The following ADARB2 variants were observed in gnomAD, a reference collection of about 807,000 sequenced individuals.
ADARB2 encodes adenosine deaminase RNA specific B2 (inactive).
Under a neutral mutation model 62.2 loss-of-function variants are expected in ADARB2, and 25 were observed. That is an observed-to-expected ratio of 0.40 (90% CI 0.29 to 0.56). The LOEUF (loss-of-function observed/expected upper bound fraction) is 0.56. ADARB2 is among the 20% of genes least tolerant of loss of function. The pLI is 0.43. For missense variants in ADARB2, 1,071 were observed against 1,077.4 expected, an observed-to-expected ratio of 0.99 and a Z score of 0.08; for synonymous variants, 572 against 500.8, an observed-to-expected ratio of 1.14 and a Z score of -1.90.
chr10:1,640,627 G>C (rs1239625842), intron 1 of ADARB2, among the ~76,000 whole-genome samples: 1 of 152,038 alleles, frequency 6.6e-6, no homozygotes, highest in Admixed American at 6.6e-5. Context: ...TCCTGTTGTT[G>C]CCTGGGAGAC....
At chr10:1,593,861 G>A (rs1833299231) in intron 1 of ADARB2, among the ~76,000 whole-genome samples, 3 of 152,312 alleles carry the variant, frequency 2.0e-5, no homozygotes, top group Admixed American at 6.5e-5. Context: ...GCCCTTGAGA[G>A]TAGAATTTGA....
intron 1 of ADARB2, among the ~76,000 whole-genome samples, chr10:1,675,605 G>A (rs1453131044): frequency 6.6e-6 from 1 of 151,098 alleles, no homozygotes; most frequent in Non-Finnish European, 1.5e-5. Context: ...GGAGGCTTGG[G>A]TTGGGGGGTA....
intron 1 of ADARB2, among the ~76,000 whole-genome samples, chr10:1,529,127 A>C (rs11596804): frequency 0.26 from 17,377 of 65,914 alleles, 3,455 homozygotes; most frequent in Admixed American, 0.31. Context: ...TCCCCAACAC[A>C]AATCCTCCAA....
intron 1 of ADARB2, among the ~76,000 whole-genome samples, chr10:1,661,416 C>T (rs1456289451): frequency 6.6e-6 from 1 of 152,194 alleles, no homozygotes; most frequent in African/African-American, 2.4e-5. Flanking sequence ...CATCTCATCT[C>T]CCAATAGAGG....
intron 1 of ADARB2, among the ~76,000 whole-genome samples, chr10:1,638,964 G>A (rs1405226455): frequency 3.9e-5 from 6 of 152,202 alleles, no homozygotes; most frequent in South Asian, 2.1e-4. Flanking sequence ...GCACTCACAC[G>A]GACTTCCAGT....
At chr10:1,681,882 G>C (rs1471195093) in intron 1 of ADARB2, among the ~76,000 whole-genome samples, 3 of 152,176 alleles carry the variant, frequency 2.0e-5, no homozygotes, top group African/African-American at 7.2e-5. Context: ...ACACTCCGCA[G>C]AGACTCAAGG....
chr10:1,413,271 C>G (rs1179540345), intron 1 of ADARB2, among the ~76,000 whole-genome samples: 1 of 152,152 alleles, frequency 6.6e-6, no homozygotes, highest in Non-Finnish European at 1.5e-5. Context: ...GAAGGGGGTC[C>G]CCAGCCAATG....
chr10:1,435,766 C>G (rs1181276139), intron 1 of ADARB2, among the ~76,000 whole-genome samples: 1 of 152,228 alleles, frequency 6.6e-6, no homozygotes, highest in Admixed American at 6.5e-5. Context: ...GCCACCCCAG[C>G]AGGCAACGTG....
chr10:1,569,734 C>T (rs1018262091), intron 1 of ADARB2, among the ~76,000 whole-genome samples: 5 of 152,048 alleles, frequency 3.3e-5, no homozygotes, highest in Non-Finnish European at 5.9e-5. Context: ...ACTCTAGACA[C>T]ATAGAAATTA....
At position 1,650,041 on chromosome 10, in the gene ADARB2, A is replaced by G. The variant is rs574466831; in HGVS notation, c.100+87010T>C. 2.0e-5 allele frequency among the ~76,000 whole-genome samples: 3 copies of G among 152,294 alleles called. No individual in the cohort carries two copies. The South Asian group carries it at 6.2e-4, about 32-fold the overall frequency. ...ACAAACCCTCCCTGAAGGTCTTCCCAAGGTGAAATATCCAAGAACAAGTAG... is the reference window on the plus strand; with the variant it reads ...ACAAACCCTCCCTGAAGGTCTTCCCGAGGTGAAATATCCAAGAACAAGTAG... On this transcript the variant is annotated intron_variant, in intron 1 of 9. Coordinates refer to ENST00000381312, the MANE Select transcript of ADARB2 (RefSeq NM_018702.4).
chr10:1,250,683 T>G (rs1030612119), intron 4 of ADARB2, among the ~76,000 whole-genome samples: 2 of 152,200 alleles, frequency 1.3e-5, no homozygotes, highest in Non-Finnish European at 2.9e-5. Context: ...TAAACCACTA[T>G]TTTTTATAAA....
intron 1 of ADARB2, among the ~76,000 whole-genome samples, chr10:1,536,891 C>G (rs1832339578): frequency 6.6e-6 from 1 of 152,200 alleles, no homozygotes; most frequent in Non-Finnish European, 1.5e-5. Context: ...CCATTCAGGA[C>G]ATAGTCATGG....
At chr10:1,644,467 GAGA>G (rs1417617843) in intron 1 of ADARB2, among the ~76,000 whole-genome samples, 1 of 152,272 alleles carries the variant, frequency 6.6e-6, no homozygotes, top group Non-Finnish European at 1.5e-5. Flanking sequence ...CAGGGAGAAG[GAGA>G]AGGACAAAGG....
In ADARB2 at chr10:1,704,713, T is replaced by C. The variant is rs907118150; in HGVS notation, c.100+32338A>G. Among the ~76,000 whole-genome samples the C allele has an allele frequency of 1.3e-5, 2 of 152,228 alleles. No homozygotes were observed. Among genetic ancestry groups the C allele is most frequent in the African/African-American group, 2.4e-5 (1 of 41,450 alleles). ...AGTGGTTTGGAATCATGTGGGATTA[T>C]TGATATTATTACAAAGAATAAATCT... On this transcript the variant is annotated intron_variant, in intron 1 of 9. Transcript: ENST00000381312. This position sits in a 1 kb window ranked among gnomAD's most constrained non-coding sequence, Gnocchi z 5.6.
At chr10:1,474,049 T>C (rs2820638) in intron 1 of ADARB2, among the ~76,000 whole-genome samples, 79,652 of 151,396 alleles carry the variant, frequency 0.53, 21,683 homozygotes, top group Non-Finnish European at 0.6. Context: ...GCAGGAGACA[T>C]GCCTTTCCTT....
chr10:1,485,908 A>C (rs569152028), intron 1 of ADARB2, among the ~76,000 whole-genome samples: 10 of 152,302 alleles, frequency 6.6e-5, no homozygotes, highest in East Asian at 5.8e-4. Context: ...TGAGAAATAA[A>C]ATATATGACT....
intron 3 of ADARB2, among the ~76,000 whole-genome samples, chr10:1,304,885 A>C (rs1230028817): frequency 6.9e-6 from 1 of 145,270 alleles, no homozygotes; most frequent in Admixed American, 7.1e-5. Flanking sequence ...CAGTGTGTAG[A>C]GGGAAATTTA....
chr10:1,277,481 C>A (rs1456304836), intron 3 of ADARB2, among the ~76,000 whole-genome samples: 1 of 152,112 alleles, frequency 6.6e-6, no homozygotes, highest in Non-Finnish European at 1.5e-5. Context: ...AACACCTCTA[C>A]GCAAATAAAC....
At chr10:1,241,983 A>C (rs943096385) in intron 5 of ADARB2, 148 bp downstream of exon 5, 14 of 848,920 alleles carry the variant, frequency 1.6e-5, no homozygotes, top group African/African-American at 6.8e-5. Flanking sequence ...GGATGTCTCT[A>C]GTCTGAATAA....
Sources: allele counts gnomAD v4.1 joint callset (sites outside exome capture counted in the v4.1 genomes callset), GRCh38; gene constraint gnomAD v4.1.1; non-coding constraint Gnocchi (gnomAD v3.1); transcripts MANE v1.5; gene names NCBI Gene and HGNC (gene_info 2026-07-23, HGNC 2026-07-21).